The following NOL4 variants were observed in gnomAD, a reference collection of about 807,000 sequenced individuals.
The protein encoded by NOL4 is nucleolar protein 4.
NOL4 carries 17 observed loss-of-function variants against 75.9 expected under a neutral mutation model. The observed-to-expected ratio is 0.22, with a 90% CI of 0.15 to 0.34. The LOEUF is 0.34. NOL4 is among the 10% of genes least tolerant of loss of function. NOL4 has a pLI of 1.00. For missense variants in NOL4, 614 were observed against 793.5 expected, an observed-to-expected ratio of 0.77 and a Z score of 2.72; for synonymous variants, 292 against 289.9, an observed-to-expected ratio of 1.01 and a Z score of -0.07.
At chr18:34,158,806 A>T (rs2030917665) in intron 1 of NOL4, among the ~76,000 whole-genome samples, 1 of 152,212 alleles carries the variant, frequency 6.6e-6, no homozygotes, top group Admixed American at 6.5e-5. Context: ...TGTTTTGTAG[A>T]ATTAAACCAG....
chr18:33,974,717 A>AG lies in NOL4; in HGVS notation c.1057-16300_1057-16299insC, dbSNP rs138878859. On this transcript the variant is annotated intron_variant, in intron 6 of 10. Transcript: ENST00000261592. ...ACATGCTATTAGAAGAATGGTGCCA[A>AG]TAGACTTGCTTGACACAGTTTCCTC... 8.4e-3 allele frequency among the ~76,000 whole-genome samples: 1,272 copies of AG among 152,292 alleles called. 22 individuals carry two copies. The highest frequency in any genetic ancestry group is 0.029 in the African/African-American group (1,225 of 41,562).
chr18:34,095,029 A>C (rs1035857390), intron 4 of NOL4, among the ~76,000 whole-genome samples: 4 of 152,154 alleles, frequency 2.6e-5, no homozygotes, highest in African/African-American at 9.6e-5. Context: ...ATAAATTGGC[A>C]TTCTGATTCT....
intron 5 of NOL4, among the ~76,000 whole-genome samples, chr18:34,044,505 G>A (rs2076277792): frequency 6.6e-6 from 1 of 151,924 alleles, no homozygotes; most frequent in Admixed American, 6.6e-5. Flanking sequence ...GTTATACTAA[G>A]AAGCTGTATA....
intron 6 of NOL4, among the ~76,000 whole-genome samples, chr18:33,967,911 C>G (rs1205581447): frequency 6.6e-6 from 1 of 151,958 alleles, no homozygotes; most frequent in Non-Finnish European, 1.5e-5. Context: ...TATGGTGAAA[C>G]CCTGTCTCTA....
rs567113460 is a variant in NOL4, at chr18:34,111,437, G to A, written c.415-6277C>T. 1.6e-4 allele frequency among the ~76,000 whole-genome samples: 24 copies of A among 151,944 alleles called. No homozygotes were observed. In the East Asian group the frequency reaches 4.7e-3, roughly 29 times the overall value. On this transcript the variant is annotated intron_variant, in intron 2 of 10. Transcript: ENST00000261592. ...TTTGGAGGCTCTACTCTCATAAATGGGATTAGTGCCCTTATAGAAGATGTC... is the reference window on the plus strand; with the variant it reads ...TTTGGAGGCTCTACTCTCATAAATGAGATTAGTGCCCTTATAGAAGATGTC...
chr18:34,056,636 A>G (rs2076845147), intron 5 of NOL4, among the ~76,000 whole-genome samples: 1 of 152,160 alleles, frequency 6.6e-6, no homozygotes, highest in African/African-American at 2.4e-5. Flanking sequence ...TCTTGTTGCT[A>G]TTGTAAAAGA....
intron 1 of NOL4, among the ~76,000 whole-genome samples, chr18:34,152,152 G>A (rs1044092838): frequency 6.6e-6 from 1 of 151,486 alleles, no homozygotes; most frequent in Admixed American, 6.6e-5. Context: ...TTATTTTAAT[G>A]TTATTTTTAA....
At chr18:33,973,814 C>T (rs1315423039) in intron 6 of NOL4, among the ~76,000 whole-genome samples, 1 of 152,194 alleles carries the variant, frequency 6.6e-6, no homozygotes, top group South Asian at 2.1e-4. Flanking sequence ...ATGCTGTACA[C>T]AGATGGGCTG....
chr18:33,927,420 A>G lies in NOL4; in HGVS notation c.1542+15645T>C, dbSNP rs377090367. ...ATAGCTTTGGAAAACTCCTAAAGCA[A>G]TGAGAGGGTGTCCTCTTTCCTCACT... On this transcript the variant is annotated intron_variant, in intron 9 of 10. Coordinates refer to ENST00000261592, the MANE Select transcript of NOL4 (RefSeq NM_003787.5). 2.7e-4 allele frequency among the ~76,000 whole-genome samples: 41 copies of G among 152,348 alleles called. No homozygotes were observed. The East Asian group carries it at 6.0e-3, about 22-fold the overall frequency.
chr18:34,174,684 C>A (rs2033375202), intron 1 of NOL4, among the ~76,000 whole-genome samples: 1 of 152,076 alleles, frequency 6.6e-6, no homozygotes, highest in Non-Finnish European at 1.5e-5. Flanking sequence ...GCTAGCCCCC[C>A]ACCTCCCGAC....
chr18:33,993,841 A>G (rs1310288223), intron 6 of NOL4, among the ~76,000 whole-genome samples: 2 of 151,878 alleles, frequency 1.3e-5, no homozygotes, highest in Non-Finnish European at 2.9e-5. Context: ...AGGGATTAAC[A>G]GTAGATTTGA....
chr18:33,942,307 C>T (rs2068543399), intron 9 of NOL4, among the ~76,000 whole-genome samples: 1 of 151,706 alleles, frequency 6.6e-6, no homozygotes, highest in Non-Finnish European at 1.5e-5. Flanking sequence ...TTTAGTATAT[C>T]ATGTGATAAT....
At chr18:34,093,762 G>T (rs118127115) in intron 4 of NOL4, among the ~76,000 whole-genome samples, 165 bp from the exon 5 acceptor site, 1 of 152,158 alleles carries the variant, frequency 6.6e-6, no homozygotes, top group Admixed American at 6.6e-5. Context: ...ACAATGGGCC[G>T]GGCGTGGTGG....
At chr18:33,881,481 A>G (rs184350059) in intron 10 of NOL4, among the ~76,000 whole-genome samples, 3 of 151,914 alleles carry the variant, frequency 2.0e-5, no homozygotes, top group Non-Finnish European at 2.9e-5. Context: ...TTGCCCATTC[A>G]GTATGATATT....
chr18:34,206,527 T>C (rs2036133846), intron 1 of NOL4, among the ~76,000 whole-genome samples: 1 of 152,190 alleles, frequency 6.6e-6, no homozygotes, highest in African/African-American at 2.4e-5. Flanking sequence ...TCACTAGAGA[T>C]ACAATTATTT....
chr18:34,019,365 T>C lies in NOL4; in HGVS notation c.1009A>G (p.Ile337Val), dbSNP rs1368300910. 7 of 1,614,048 alleles carry C rather than the reference T, an allele frequency of 4.3e-6. No individual in the cohort carries two copies. Among genetic ancestry groups the C allele is most frequent in the Non-Finnish European group, 4.2e-6 (5 of 1,179,972 alleles). Residue 337 changes from isoleucine (I) to valine (V), a missense_variant, in exon 6 of 11, where the codon ATT becomes GTT. Physicochemically the swap from Ile to Val is conservative, Grantham distance 29. Coordinates refer to ENST00000261592, the MANE Select transcript of NOL4 (RefSeq NM_003787.5). ...NGKNKYKNLL[I>V]SDLKMEREAR... The stretch of plus-strand genomic sequence containing the variant: ...TCTCGTTCCATCTTGAGGTCAGAAA[T>C]TAGAAGATTCTTATACTTGTTTTTC...
chr18:33,981,979 G>T (rs2071997906), intron 6 of NOL4, among the ~76,000 whole-genome samples: 1 of 152,160 alleles, frequency 6.6e-6, no homozygotes, highest in African/African-American at 2.4e-5. Context: ...TTATTTGAAG[G>T]TGGTCTTGAG....
chr18:33,938,095 G>T (rs1568093002), intron 9 of NOL4, among the ~76,000 whole-genome samples: 2 of 152,030 alleles, frequency 1.3e-5, no homozygotes, highest in Non-Finnish European at 2.9e-5. Flanking sequence ...ATTGTGAAAA[G>T]ATGTCAGGCA....
At chr18:34,055,650 T>C (rs2076804859) in intron 5 of NOL4, among the ~76,000 whole-genome samples, 1 of 152,120 alleles carries the variant, frequency 6.6e-6, no homozygotes, top group Admixed American at 6.6e-5. Flanking sequence ...TTTCCTCAAA[T>C]TTGGGAAGTT....
Sources: allele counts gnomAD v4.1 joint callset (sites outside exome capture counted in the v4.1 genomes callset), GRCh38; gene constraint gnomAD v4.1.1; transcripts MANE v1.5; gene names NCBI Gene and HGNC (gene_info 2026-07-23, HGNC 2026-07-21).